Variants in BBS5 observed in about 807,000 individuals in gnomAD.
BBS5 encodes Bardet-Biedl syndrome 5, also known as BBSome complex member BBS5.
A neutral mutation model predicts 50.2 loss-of-function variants in BBS5; 39 were observed. The observed-to-expected ratio is 0.78, with a 90% CI of 0.60 to 1.01. The LOEUF (loss-of-function observed/expected upper bound fraction) is 1.01. Ranked by LOEUF, BBS5 falls within the 50% of genes least tolerant of loss-of-function variation. The pLI is 0.00. For missense variants in BBS5, 356 were observed against 401.5 expected (o/e 0.89, Z 0.97); for synonymous variants, 134 against 133.1 (o/e 1.01, Z -0.05).
chr2:169,498,349 A>C (rs910076022), intron 8 of BBS5, among the ~76,000 whole-genome samples: 4 of 152,246 alleles, frequency 2.6e-5, no homozygotes, highest in African/African-American at 9.6e-5. Flanking sequence ...ATTACTTATC[A>C]TCTACATTCT....
chr2:169,493,824 A>G lies in BBS5; in HGVS notation c.606A>G (p.Pro202=). The change falls in exon 7 of 12, where the codon CCA becomes CCG. Residue 202 remains proline (P), a synonymous_variant. Transcript: ENST00000295240. ...ATGATAGTTTTAATGTCAGTATACC[A>G]TATCTGCAAATTGTAAGTACATACA... The part of the protein sequence containing the change: ...NMNDSFNVSI[P]YLQIRSIKIR... 1 of 1,592,040 alleles carries G rather than the reference A, an allele frequency of 6.3e-7. No individual in the cohort carries two copies. Among genetic ancestry groups the G allele is most frequent in the Non-Finnish European group, 8.6e-7 (1 of 1,160,290 alleles).
intron 2 of BBS5, among the ~76,000 whole-genome samples, chr2:169,482,947 C>G (rs1162670030): frequency 1.3e-5 from 2 of 152,094 alleles, no homozygotes; most frequent in African/African-American, 4.8e-5. Context: ...TCTGTGGAGC[C>G]AGTGACCAGT....
At position 169,504,971 on chromosome 2, in the gene BBS5, A is replaced by G. The variant is rs111267796; in HGVS notation, c.*389A>G. The G allele has an allele frequency of 5.0e-3, 8,086 of 1,613,158 alleles. 349 individuals are homozygous for G. In the African/African-American group the frequency reaches 0.094, roughly 19 times the overall value. ...ACTGGTGATCTACGTGTGCTTTTTCAAGGGAGCTGATAAAGAACTTCTTCC... is the reference window on the plus strand; with the variant it reads ...ACTGGTGATCTACGTGTGCTTTTTCGAGGGAGCTGATAAAGAACTTCTTCC... On this transcript the variant is annotated 3_prime_UTR_variant, in exon 12 of 12. Coordinates refer to ENST00000295240, the MANE Select transcript of BBS5 (RefSeq NM_152384.3).
intron 2 of BBS5, among the ~76,000 whole-genome samples, chr2:169,484,809 A>G (rs895409031): frequency 2.0e-5 from 3 of 152,178 alleles, no homozygotes; most frequent in Non-Finnish European, 4.4e-5. Flanking sequence ...AAGAATTAAA[A>G]TATTATATTA....
At chr2:169,490,799 G>A (rs1180648335) in intron 5 of BBS5, among the ~76,000 whole-genome samples, 1 of 152,014 alleles carries the variant, frequency 6.6e-6, no homozygotes, top group African/African-American at 2.4e-5. Flanking sequence ...CTTACCCATA[G>A]CAGTCATTTC....
chr2:169,500,100 G>C (rs764545849), intron 9 of BBS5, among the ~76,000 whole-genome samples: 1 of 152,150 alleles, frequency 6.6e-6, no homozygotes, highest in South Asian at 2.1e-4. Context: ...GAAGTATTTT[G>C]CATATCCTGC....
intron 5 of BBS5, among the ~76,000 whole-genome samples, chr2:169,489,550 C>A (rs914826691): frequency 4.0e-5 from 6 of 151,296 alleles, no homozygotes; most frequent in Non-Finnish European, 7.4e-5. Flanking sequence ...AAGTGATTCT[C>A]CTGCCTCAGC....
Position 169,504,906 on chromosome 2 carries a change from A to T in BBS5, c.*324A>T. ...GCCCGGCTGCAAATTCGCCCAGCCAATGGGGACGTTGCGGCCCAGTGGGTG... is the reference window on the plus strand; with the variant it reads ...GCCCGGCTGCAAATTCGCCCAGCCATTGGGGACGTTGCGGCCCAGTGGGTG... On this transcript the variant is annotated 3_prime_UTR_variant, in exon 12 of 12. Coordinates refer to ENST00000295240, the MANE Select transcript of BBS5 (RefSeq NM_152384.3). The T allele has an allele frequency of 6.2e-7, 1 of 1,613,764 alleles. No individual in the cohort carries two copies. The highest frequency in any genetic ancestry group is 1.3e-5 in the African/African-American group (1 of 75,016).
At position 169,487,004 on chromosome 2, in the gene BBS5, T is replaced by C; in HGVS notation, c.143-65T>C. On this transcript the variant is annotated intron_variant, in intron 2 of 11. Coordinates refer to ENST00000295240, the MANE Select transcript of BBS5 (RefSeq NM_152384.3). Reference sequence around the variant, plus strand: ...CTGGGCCAGAAGTTCCATATCCATCTCATTCAGTGCTGCAAAAATGGGTTC... The same window carrying C: ...CTGGGCCAGAAGTTCCATATCCATCCCATTCAGTGCTGCAAAAATGGGTTC... The C allele has an allele frequency of 4.9e-6, 5 of 1,011,488 alleles. No individual in the cohort carries two copies. The Admixed American group carries it at 8.5e-5, about 17-fold the overall frequency. 62.7% of individuals were successfully genotyped at this position (1,011,488 alleles called of 1,614,324 possible). A position where few individuals can be genotyped will look rare whatever the true frequency, so the allele number is the denominator to read the frequency against.
Position 169,498,704 on chromosome 2 carries a change from G to A in BBS5, c.682-782G>A, listed in dbSNP as rs551308410. Among the ~76,000 whole-genome samples the A allele has an allele frequency of 1.1e-3, 174 of 151,970 alleles. 1 individual carries two copies. Among genetic ancestry groups the A allele is most frequent in the Middle Eastern group, 6.8e-3 (2 of 294 alleles). ...CCTGTAGTCCCAGCTACTCCGGAGA[G>A]GCTGAGGCAGGAGAATGGCGCGAAC... On this transcript the variant is annotated intron_variant, in intron 8 of 11. Coordinates refer to ENST00000295240, the MANE Select transcript of BBS5 (RefSeq NM_152384.3).
intron 2 of BBS5, among the ~76,000 whole-genome samples, chr2:169,486,208 G>T (rs919340588): frequency 6.6e-6 from 1 of 152,066 alleles, no homozygotes; most frequent in Non-Finnish European, 1.5e-5. Context: ...ACATTATAGA[G>T]GTTTTCAGAA....
chr2:169,489,190 GTGGCGCACGTCTGT>G (rs1395181320), intron 5 of BBS5, among the ~76,000 whole-genome samples: 1 of 152,196 alleles, frequency 6.6e-6, no homozygotes, highest in East Asian at 1.9e-4. Flanking sequence ...GCCAGACGTG[GTGGCGCACGTCTGT>G]AATCCCAACA....
intron 2 of BBS5, among the ~76,000 whole-genome samples, chr2:169,485,737 A>T (rs968831502): frequency 1.3e-5 from 2 of 152,178 alleles, no homozygotes; most frequent in Non-Finnish European, 2.9e-5. Context: ...TATAGAGTAC[A>T]TCTAAGGGTT....
chr2:169,480,435 T>C (rs961555687), intron 1 of BBS5, among the ~76,000 whole-genome samples: 20 of 152,128 alleles, frequency 1.3e-4, no homozygotes, highest in African/African-American at 4.1e-4. Context: ...CTCCCCTCCT[T>C]AGGTGGAATC....
At position 169,490,299 on chromosome 2, in the gene BBS5, T is replaced by C. The variant is rs563774929; in HGVS notation, c.386+2185T>C. Reference sequence around the variant, plus strand: ...AGCTCCGCCTCCCGGGTTCACGCCATTCTCCTGCCTCAGCCTCCCGAGTAG... The same window carrying C: ...AGCTCCGCCTCCCGGGTTCACGCCACTCTCCTGCCTCAGCCTCCCGAGTAG... On this transcript the variant is annotated intron_variant, in intron 5 of 11. Transcript: ENST00000295240. 3.4e-4 allele frequency among the ~76,000 whole-genome samples: 50 copies of C among 148,402 alleles called. 2 individuals are homozygous for C. In the South Asian group the frequency reaches 6.8e-3, roughly 20 times the overall value.
chr2:169,483,709 C>T (rs150827866), intron 2 of BBS5, among the ~76,000 whole-genome samples: 7 of 152,258 alleles, frequency 4.6e-5, no homozygotes, highest in South Asian at 2.1e-4. Context: ...TACTTGCCAC[C>T]ACCTACAGGC....
Position 169,504,231 on chromosome 2 carries a change from G to C in BBS5, c.901-72G>C, listed in dbSNP as rs184464869. ...GTTATAAAATCATTCTGCATATTAA[G>C]TTCCTTAGCCCACTGATCTATTCGA... is the stretch of plus-strand genomic sequence containing the variant. On this transcript the variant is annotated intron_variant, in intron 10 of 11. Transcript: ENST00000295240. The C allele has an allele frequency of 7.6e-6, 10 of 1,310,204 alleles. No homozygotes were observed. The African/African-American group carries it at 1.3e-4, about 17-fold the overall frequency. The allele number at this position is 1,310,204 out of a possible 1,614,324, so 81.2% of individuals were successfully genotyped here.
intron 5 of BBS5, among the ~76,000 whole-genome samples, chr2:169,488,921 C>T (rs1683535182): frequency 6.6e-6 from 1 of 152,136 alleles, no homozygotes; most frequent in South Asian, 2.1e-4. Flanking sequence ...AGGTAGAAGG[C>T]ATGTTTGAGT....
chr2:169,504,422 T>G, intron 11 of BBS5, 59 bp from the exon 12 acceptor site: 2 of 1,597,160 alleles, frequency 1.3e-6, no homozygotes. Flanking sequence ...TTTTTTGTTT[T>G]TTTCCTCTTC....
Sources: gnomAD v4.1 joint callset for allele counts (sites outside exome capture counted in the v4.1 genomes callset) on GRCh38, gnomAD v4.1.1 for gene constraint, MANE v1.5 for transcripts, NCBI Gene and HGNC (gene_info 2026-07-23, HGNC 2026-07-21) for gene names.